STK36: variants seen among roughly 807,000 people sequenced by gnomAD.
The protein encoded by STK36 is serine/threonine-protein kinase 36.
In STK36, 116 loss-of-function variants were observed where a neutral mutation model predicts 142.2. The ratio of observed to expected loss-of-function variants is 0.82; its 90% CI spans 0.70 to 0.95. STK36 has a LOEUF of 0.95. Among genes scored for constraint, STK36 ranks in the 40% least tolerant of loss-of-function variants. The probability of loss-of-function intolerance (pLI) is 0.00; values close to 1 mark genes in which losing one functional copy is unlikely to be tolerated. For missense variants in STK36, 1,422 were observed against 1,617.2 expected (o/e 0.88, Z 2.07); for synonymous variants, 619 against 641.7 (o/e 0.96, Z 0.53).
rs764199153 is a variant in STK36 at position 218,697,063 on chromosome 2, G to A, written c.2611G>A (p.Asp871Asn). Residue 871 changes from aspartate to asparagine, a missense_variant, in exon 23 of 27, where the codon GAT becomes AAT. Physicochemically the swap from Asp to Asn is conservative, Grantham distance 23 (BLOSUM62 1). This residue lies in a region of STK36 where 962 missense variants were observed against 1,167.5 expected (regional missense o/e 0.82). Transcript: ENST00000295709. ...GCAGGGGAAGGCTAGCCTAATCAGG[G>A]ATATGTCCAGTTCAGAAATGTGGAC... ...TEQGKASLIR[D>N]MSSSEMWTVL... The A allele has an allele frequency of 1.4e-5, 22 of 1,613,992 alleles. No homozygotes were observed. Among genetic ancestry groups the A allele is most frequent in the Non-Finnish European group, 1.9e-5 (22 of 1,180,024 alleles).
chr2:218,693,965 T>C lies in STK36; in HGVS notation c.2318T>C (p.Leu773Pro), dbSNP rs1302094818. The C allele has an allele frequency of 6.2e-7, 1 of 1,614,072 alleles. No individual in the cohort carries two copies. The highest frequency in any genetic ancestry group is 8.5e-7 in the Non-Finnish European group (1 of 1,180,032). ...TTCCTCTCCCTTCTTGTCTTTCGGC[T>C]CCAAAACCTGCCTTGTGGGTAAGTC... ...LYFLSLLVFR[L>P]QNLPCGMEKL... The change falls in exon 19 of 27, where the codon CTC (leucine) becomes CCC (proline). Residue 773 changes from leucine (L) to proline (P), a missense_variant. By Grantham distance (98) the Leu-to-Pro change is moderately conservative (BLOSUM62 -3). This residue lies in a region of STK36 where 962 missense variants were observed against 1,167.5 expected (regional missense o/e 0.82). Coordinates refer to ENST00000295709, the MANE Select transcript of STK36 (RefSeq NM_015690.5).
chr2:218,692,003 G>T, intron 14 of STK36, 140 bp from the exon 15 acceptor site: 1 of 986,226 alleles, frequency 1.0e-6, no homozygotes, highest in Non-Finnish European at 1.5e-6. Context: ...TGCATTTTTG[G>T]TGTGAAGAAT....
chr2:218,697,021 T>C lies in STK36; in HGVS notation c.2587-18T>C. 1 of 1,612,814 alleles carries C rather than the reference T, an allele frequency of 6.2e-7. No individual in the cohort carries two copies. The highest frequency in any genetic ancestry group is 8.5e-7 in the Non-Finnish European group (1 of 1,179,174). ...GACTTCTGTCTTTCCCCCCGCCCTC[T>C]TTCACTTTTATCTCTAGCAGGGGAA... On this transcript the variant is annotated intron_variant, in intron 22 of 26. Transcript: ENST00000295709.
rs1291306360 is a variant in STK36 at position 218,699,336 on chromosome 2, T to A, written c.3792T>A (p.Pro1264=). The A allele has an allele frequency of 6.2e-7, 1 of 1,613,708 alleles. No individual in the cohort carries two copies. The highest frequency in any genetic ancestry group is 1.7e-5 in the Admixed American group (1 of 60,006). The change falls in exon 26 of 27, where the codon CCT becomes CCA. Residue 1264 remains proline, a synonymous_variant. Transcript: ENST00000295709. ...CCCTCCGGAGCCTGCAACAGGAGCC[T>A]GGCATCCATCAGGTATACCCTACAG... The part of the protein sequence containing the change: ...LIALRSLQQE[P]GIHQVLVSLG...
chr2:218,678,251 T>C (rs6718166), intron 6 of STK36, among the ~76,000 whole-genome samples: 10,053 of 152,142 alleles, frequency 0.066, 411 homozygotes, highest in African/African-American at 0.11. Flanking sequence ...CACCCAACCT[T>C]CTTTTATTTT....
Position 218,698,577 on chromosome 2 carries a change from ATCCTTTTACC to A in STK36, c.3058-20_3058-11del, listed in dbSNP as rs1161998018. On this transcript the variant is annotated splice_polypyrimidine_tract_variant and intron_variant, in intron 25 of 26. Transcript: ENST00000295709. The stretch of plus-strand genomic sequence containing the variant: ...CTGCATATACTCTCTCTCTCCCTGA[ATCCTTTTACC>A]TCCTGTTCTCTCAGGTCTGCTGCTA... The A allele has an allele frequency of 1.9e-6, 3 of 1,605,428 alleles. No individual in the cohort carries two copies. In the Admixed American group the frequency reaches 5.0e-5, roughly 27 times the overall value.
intron 23 of STK36, 100 bp downstream of exon 23, chr2:218,697,313 T>A: frequency 6.6e-7 from 1 of 1,522,952 alleles, no homozygotes; most frequent in Non-Finnish European, 8.8e-7. Context: ...TTTTTTTTGC[T>A]TTTGCCTGGG....
intron 4 of STK36, 25 bp from the exon 5 acceptor site, chr2:218,675,318 T>G: frequency 6.3e-7 from 1 of 1,591,810 alleles, no homozygotes; most frequent in Non-Finnish European, 8.6e-7. Flanking sequence ...CTTTTTTTTC[T>G]TTCTTCCACC....
rs1050092121 is a variant in STK36, at chr2:218,696,745, G to A, written c.2586+144G>A. ...CCTGTGATAGCCTTGGAACTTCCCC[G>A]CCTGCCCTCAGTACTGACCCTTTGA... On this transcript the variant is annotated intron_variant, in intron 22 of 26. Coordinates refer to ENST00000295709, the MANE Select transcript of STK36 (RefSeq NM_015690.5). The A allele has an allele frequency of 4.3e-5, 42 of 986,332 alleles. No individual in the cohort carries two copies. In the African/African-American group the frequency reaches 4.3e-4, roughly 10 times the overall value. 61.1% of individuals were successfully genotyped at this position (986,332 alleles called of 1,614,324 possible).
intron 4 of STK36, among the ~76,000 whole-genome samples, chr2:218,674,722 C>T (rs1360080112): frequency 2.0e-5 from 3 of 152,194 alleles, no homozygotes; most frequent in African/African-American, 7.2e-5. Context: ...GTGCCTCAGC[C>T]TCCCCAGTAA....
intron 7 of STK36, 127 bp downstream of exon 7, chr2:218,679,388 T>C: frequency 7.9e-7 from 1 of 1,265,844 alleles, no homozygotes. Context: ...ACTTTCTTCC[T>C]AGCCCTTCAC....
At chr2:218,696,172 A>G (rs142507166) in intron 21 of STK36, among the ~76,000 whole-genome samples, 3 of 152,214 alleles carry the variant, frequency 2.0e-5, no homozygotes, top group Admixed American at 2.0e-4. Flanking sequence ...AATTCTTTAT[A>G]ATTTATAAAA....
Position 218,692,262 on chromosome 2 carries a change from A to C in STK36, c.1884A>C (p.Thr628=), listed in dbSNP as rs765014720. The C allele has an allele frequency of 6.2e-7, 1 of 1,614,200 alleles. No individual in the cohort carries two copies. Among genetic ancestry groups the C allele is most frequent in the East Asian group, 2.2e-5 (1 of 44,888 alleles). Residue 628 remains threonine (T), a synonymous_variant, in exon 15 of 27, where the codon ACA becomes ACC. Coordinates refer to ENST00000295709, the MANE Select transcript of STK36 (RefSeq NM_015690.5). ...TGGATGGGCTCCTTCATGGCTTGAC[A>C]GTTCCACAGCTCCCTGTCCACACTC... ...VVLDGLLHGL[T]VPQLPVHTPQ... is the part of the protein sequence containing the mutation.
chr2:218,693,624 A>G (rs1941100968), intron 17 of STK36, 99 bp from the exon 18 acceptor site: 3 of 1,132,184 alleles, frequency 2.6e-6, no homozygotes, highest in Non-Finnish European at 3.8e-6. Context: ...TGTGGGTACC[A>G]GATCTTTTGA....
chr2:218,701,383 G>T (rs1417508046), intron 26 of STK36, among the ~76,000 whole-genome samples: 1 of 151,592 alleles, frequency 6.6e-6, no homozygotes, highest in Non-Finnish European at 1.5e-5. Context: ...CTCGTGACCC[G>T]CCCGCCTTGG....
chr2:218,692,342 G>C, intron 15 of STK36, 49 bp downstream of exon 15: 2 of 1,608,350 alleles, frequency 1.2e-6, no homozygotes, highest in Non-Finnish European at 1.7e-6. Flanking sequence ...TGTTGCATAG[G>C]TCAGGCTCCG....
In STK36 at chr2:218,685,196, A is replaced by G. The variant is rs1342486481; in HGVS notation, c.1348A>G (p.Ile450Val). The change falls in exon 11 of 27, where the codon ATC (isoleucine) becomes GTC (valine). Residue 450 changes from isoleucine (I) to valine (V), a missense_variant. By Grantham distance (29) the Ile-to-Val change is conservative. Around this residue, in one of 2 missense-constraint regions of STK36, gnomAD observed 962 missense variants for 1,167.5 expected, o/e 0.82. Coordinates refer to ENST00000295709, the MANE Select transcript of STK36 (RefSeq NM_015690.5). ...LLCNPDFCQR[I>V]QSQLHEAGGQ... ...GTGTAATCCTGACTTCTGCCAGCGC[A>G]TCCAGAGTCAGCTGCATGAAGCTGG... is the stretch of plus-strand genomic sequence containing the variant. 1.2e-6 allele frequency: 2 copies of G among 1,614,086 alleles called. No homozygotes were observed. Among genetic ancestry groups the G allele is most frequent in the Non-Finnish European group, 1.7e-6 (2 of 1,180,026 alleles).
rs1355649632 is a variant in STK36, at chr2:218,698,037, G to A, written c.3057+36G>A. 1.9e-6 allele frequency: 3 copies of A among 1,613,152 alleles called. No homozygotes were observed. The East Asian group carries it at 6.7e-5, about 36-fold the overall frequency. ...AGCTAGCATGAAGGTGGGAGAGGAA[G>A]ATAGCCAACCTTGTATCCTCTAATT... is the stretch of plus-strand genomic sequence containing the variant. On this transcript the variant is annotated intron_variant, in intron 25 of 26. Coordinates refer to ENST00000295709, the MANE Select transcript of STK36 (RefSeq NM_015690.5).
chr2:218,685,276 G>A, intron 11 of STK36, 48 bp downstream of exon 11: 2 of 1,606,678 alleles, frequency 1.2e-6, no homozygotes, highest in Non-Finnish European at 1.7e-6. Context: ...TGTTTTCACA[G>A]ATGGAGCATT....
Sources: allele counts gnomAD v4.1 joint callset (sites outside exome capture counted in the v4.1 genomes callset), GRCh38; gene constraint gnomAD v4.1.1; regional missense constraint gnomAD v4.1.1; transcripts MANE v1.5; gene names NCBI Gene and HGNC (gene_info 2026-07-23, HGNC 2026-07-21).